LRMDA: variants seen among roughly 807,000 people sequenced by gnomAD.
LRMDA encodes leucine-rich melanocyte differentiation-associated protein.
In LRMDA, 18 loss-of-function variants were observed where a neutral mutation model predicts 29.8. The ratio of observed to expected loss-of-function variants is 0.60; its 90% confidence interval spans 0.42 to 0.90. The LOEUF (loss-of-function observed/expected upper bound fraction) is 0.90, where lower values mean the gene tolerates loss of function less well. Ranked by LOEUF, LRMDA falls within the 40% of genes least tolerant of loss-of-function variation. The probability of loss-of-function intolerance (pLI) is 0.00; values close to 1 mark genes in which losing one functional copy is unlikely to be tolerated. For synonymous variants in LRMDA, 125 were observed against 109.4 expected (o/e 1.14, Z -0.89); for missense variants, 273 against 273.9 (o/e 1.00, Z 0.02).
chr10:75,786,832 A>G (rs1396970015), intron 2 of LRMDA, among the ~76,000 whole-genome samples: 1 of 152,218 alleles, frequency 6.6e-6, no homozygotes, highest in African/African-American at 2.4e-5. Flanking sequence ...TATCTCTTCC[A>G]TAGCACACAC....
At chr10:75,700,783 G>A (rs1300936418) in intron 2 of LRMDA, among the ~76,000 whole-genome samples, 1 of 152,058 alleles carries the variant, frequency 6.6e-6, no homozygotes, top group African/African-American at 2.4e-5. Context: ...GTGGGTGGGT[G>A]AATGGATGGA....
intron 2 of LRMDA, among the ~76,000 whole-genome samples, chr10:75,506,666 A>G (rs1360854346): frequency 1.3e-5 from 2 of 152,138 alleles, no homozygotes; most frequent in East Asian, 1.9e-4. Flanking sequence ...TAAAAGTCCC[A>G]TGTATCCCCT....
At position 75,905,254 on chromosome 10, in the gene LRMDA, TTA is replaced by T. The variant is rs1472065583; in HGVS notation, c.132-130753_132-130752del. Among the ~76,000 whole-genome samples the T allele has an allele frequency of 2.4e-3, 341 of 144,902 alleles. 4 individuals carry two copies. Among genetic ancestry groups the T allele is most frequent in the African/African-American group, 8.0e-3 (311 of 38,856 alleles). ...CCTGCCTCTTTTTTTTTTTTTTTTT[TTA>T]AATCATAGACCCTCTAAAAACAAAA... On this transcript the variant is annotated intron_variant, in intron 2 of 6. Coordinates refer to ENST00000611255, the MANE Select transcript of LRMDA (RefSeq NM_001305581.2).
rs544050183 is a variant in LRMDA at position 75,990,554 on chromosome 10, C to T, written c.132-45454C>T. Among the ~76,000 whole-genome samples, 27 of 152,266 alleles carry T rather than the reference C, an allele frequency of 1.8e-4. 1 individual carries two copies. The South Asian group carries it at 4.8e-3, about 27-fold the overall frequency. Reference sequence around the variant, plus strand: ...CAAATTCTAATATTTATGGTAAACCCCTTTATAATGAAACGGGCAGAGAAT... The same window carrying T: ...CAAATTCTAATATTTATGGTAAACCTCTTTATAATGAAACGGGCAGAGAAT... On this transcript the variant is annotated intron_variant, in intron 2 of 6. Transcript: ENST00000611255.
rs78083693 is a variant in LRMDA, at chr10:75,585,320, T to A, written c.131+146826T>A. On this transcript the variant is annotated intron_variant, in intron 2 of 6. Transcript: ENST00000611255. The stretch of plus-strand genomic sequence containing the variant: ...TCTGTTGGATTTATCCATGTTAATG[T>A]AGCAATGGTTTGGGCATTCTCATTG... Among the ~76,000 whole-genome samples, 7 of 152,386 alleles carry A rather than the reference T, an allele frequency of 4.6e-5. No individual in the cohort carries two copies. In the East Asian group the frequency reaches 1.2e-3, roughly 25 times the overall value.
At chr10:75,542,339 A>G (rs1478956358) in intron 2 of LRMDA, among the ~76,000 whole-genome samples, 1 of 151,988 alleles carries the variant, frequency 6.6e-6, no homozygotes, top group African/African-American at 2.4e-5. Flanking sequence ...GAGCATGTGT[A>G]GCTCCATCAT....
chr10:75,572,802 G>A (rs1840453845), intron 2 of LRMDA, among the ~76,000 whole-genome samples: 1 of 152,128 alleles, frequency 6.6e-6, no homozygotes. Flanking sequence ...ATTAAGTTTA[G>A]ATGAGGCCAT....
intron 2 of LRMDA, among the ~76,000 whole-genome samples, chr10:75,962,341 G>A (rs577724157): frequency 6.6e-6 from 1 of 152,170 alleles, no homozygotes; most frequent in Non-Finnish European, 1.5e-5. Flanking sequence ...CCCCAGCCCA[G>A]CAGCATCAGC....
At chr10:75,571,929 T>G (rs1840442224) in intron 2 of LRMDA, among the ~76,000 whole-genome samples, 1 of 152,146 alleles carries the variant, frequency 6.6e-6, no homozygotes, top group Admixed American at 6.5e-5. Context: ...ACTTTATTTT[T>G]AAACTCTTAA....
chr10:76,045,575 A>G (rs1589301748), intron 3 of LRMDA, among the ~76,000 whole-genome samples: 1 of 152,070 alleles, frequency 6.6e-6, no homozygotes, highest in African/African-American at 2.4e-5. Context: ...TTGGCCTTGC[A>G]TATGATGGTG....
intron 2 of LRMDA, among the ~76,000 whole-genome samples, chr10:75,767,008 G>GTA (rs749405011): frequency 6.6e-6 from 1 of 152,164 alleles, no homozygotes; most frequent in Non-Finnish European, 1.5e-5. Flanking sequence ...ATTCCATGGT[G>GTA]TATATGTACC....
intron 2 of LRMDA, among the ~76,000 whole-genome samples, chr10:75,843,900 C>T (rs1844587431): frequency 6.6e-6 from 1 of 152,110 alleles, no homozygotes; most frequent in African/African-American, 2.4e-5. Context: ...GAGGCAAAAG[C>T]TCTGGGGAAA....
rs1299257047 is a variant in LRMDA, at chr10:76,376,859, GGAAGTC to G, written c.601+52375_601+52380del. Among the ~76,000 whole-genome samples, 11 of 43,468 alleles carry G rather than the reference GGAAGTC, an allele frequency of 2.5e-4. 3 individuals are homozygous for G. The highest frequency in any genetic ancestry group is 5.1e-4 in the African/African-American group (8 of 15,584). The allele number at this position is 43,468 out of a possible 152,430, so 28.5% of individuals were successfully genotyped here. Reference sequence around the variant, plus strand: ...TTTTTCAAATGTTTGTTGGGCACTTGGAAGTCTTTTTTTTTTTTTTTTTTTTTTTTT... The same window carrying G: ...TTTTTCAAATGTTTGTTGGGCACTTGTTTTTTTTTTTTTTTTTTTTTTTTT... On this transcript the variant is annotated intron_variant, in intron 6 of 6. Transcript: ENST00000611255.
intron 5 of LRMDA, among the ~76,000 whole-genome samples, chr10:76,294,646 G>A (rs1482538925): frequency 6.6e-6 from 1 of 152,090 alleles, no homozygotes; most frequent in Non-Finnish European, 1.5e-5. Flanking sequence ...GTTCCAAGTG[G>A]TCCCAGCAAG....
intron 6 of LRMDA, among the ~76,000 whole-genome samples, chr10:76,365,965 C>T (rs1841387560): frequency 6.6e-6 from 1 of 152,156 alleles, no homozygotes; most frequent in Admixed American, 6.5e-5. Context: ...ATGTGGCTAG[C>T]CAGTTATCCC....
chr10:76,328,071 C>T (rs189302290), intron 6 of LRMDA, among the ~76,000 whole-genome samples: 28 of 152,288 alleles, frequency 1.8e-4, no homozygotes, highest in African/African-American at 6.3e-4. Flanking sequence ...GAATGGTCCA[C>T]CTGAATTCTT....
chr10:76,287,857 G>C (rs1370924704), intron 5 of LRMDA, among the ~76,000 whole-genome samples: 1 of 152,142 alleles, frequency 6.6e-6, no homozygotes, highest in East Asian at 1.9e-4. Context: ...AATTCCATTT[G>C]AATATCTTTG....
At chr10:76,176,842 G>A (rs1029126926) in intron 5 of LRMDA, among the ~76,000 whole-genome samples, 1 of 152,210 alleles carries the variant, frequency 6.6e-6, no homozygotes, top group Admixed American at 6.5e-5. Context: ...CCCAAGAGGG[G>A]TTACAGGTAA....
intron 5 of LRMDA, among the ~76,000 whole-genome samples, chr10:76,150,884 C>T (rs1379053853): frequency 3.3e-5 from 5 of 152,162 alleles, no homozygotes; most frequent in Non-Finnish European, 7.3e-5. Flanking sequence ...TCCACTGAGA[C>T]GCAGTTTTGT....
Sources: gnomAD v4.1 joint callset for allele counts (sites outside exome capture counted in the v4.1 genomes callset) on GRCh38, gnomAD v4.1.1 for gene constraint, MANE v1.5 for transcripts, NCBI Gene and HGNC (gene_info 2026-07-23, HGNC 2026-07-21) for gene names.